Variants in ZNF385D observed in about 807,000 individuals in gnomAD.
ZNF385D encodes zinc finger protein 385D, also known as zinc finger protein 659.
ZNF385D carries 15 observed loss-of-function variants against 35.8 expected under a neutral mutation model. That is an observed-to-expected ratio of 0.42 (90% confidence interval 0.28 to 0.64). The LOEUF (loss-of-function observed/expected upper bound fraction) is 0.64, where lower values mean the gene tolerates loss of function less well. Ranked by LOEUF, ZNF385D falls within the 30% of genes least tolerant of loss-of-function variation. ZNF385D has a pLI of 0.23. For missense variants in ZNF385D, 474 were observed against 494.6 expected, an observed-to-expected ratio of 0.96 and a Z score of 0.39; for synonymous variants, 212 against 186.8, an observed-to-expected ratio of 1.13 and a Z score of -1.10.
chr3:21,784,826 C>G (rs1271858067), intron 3 of ZNF385D, among the ~76,000 whole-genome samples: 4 of 152,090 alleles, frequency 2.6e-5, no homozygotes, highest in Non-Finnish European at 5.9e-5. Flanking sequence ...CTGCCTTAGG[C>G]TCCAACATGG....
chr3:21,783,953 G>A (rs1037344053), intron 3 of ZNF385D, among the ~76,000 whole-genome samples: 1 of 152,134 alleles, frequency 6.6e-6, no homozygotes, highest in African/African-American at 2.4e-5. Flanking sequence ...CTTCCAGAAA[G>A]AAAGTTGTGG....
intron 2 of ZNF385D, among the ~76,000 whole-genome samples, chr3:22,274,969 A>G (rs943640155): frequency 6.6e-5 from 10 of 152,192 alleles, no homozygotes; most frequent in African/African-American, 2.4e-4. Flanking sequence ...AGAAAACAAG[A>G]AGAGTTGTAT....
chr3:21,419,193 TCTTCCTTCCTTCCTTCCATTCTTC>T lies in ZNF385D; in HGVS notation c.*1997_*2020del, dbSNP rs1700635258. 1 of 153,468 alleles carries T rather than the reference TCTTCCTTCCTTCCTTCCATTCTTC, an allele frequency of 6.5e-6. No homozygotes were observed. Among genetic ancestry groups the T allele is most frequent in the Admixed American group, 6.6e-5 (1 of 15,152 alleles). The allele number at this position is 153,468 out of a possible 1,614,324, so 9.5% of individuals were successfully genotyped here. A position where few individuals can be genotyped will look rare whatever the true frequency, so the allele number is the denominator to read the frequency against. On this transcript the variant is annotated 3_prime_UTR_variant, in exon 8 of 8. Coordinates refer to ENST00000281523, the MANE Select transcript of ZNF385D (RefSeq NM_024697.3). ...CCTTTCCTTCCTTCCTTCCCTCCTT[TCTTCCTTCCTTCCTTCCATTCTTC>T]CTTCCTTCCTTCCTTCTTTCCTTCT...
intron 2 of ZNF385D, among the ~76,000 whole-genome samples, chr3:21,582,642 T>TA (rs1234153186): frequency 6.6e-6 from 1 of 152,220 alleles, no homozygotes; most frequent in African/African-American, 2.4e-5. Flanking sequence ...CTGATATTTC[T>TA]AAAAACCTTA....
chr3:22,147,919 C>T (rs1352696581), intron 3 of ZNF385D, among the ~76,000 whole-genome samples: 1 of 151,930 alleles, frequency 6.6e-6, no homozygotes, highest in African/African-American at 2.4e-5. Context: ...ATCATGGCTC[C>T]AATACAGAAA....
chr3:22,093,692 C>A (rs1414669963), intron 3 of ZNF385D, among the ~76,000 whole-genome samples: 1 of 152,030 alleles, frequency 6.6e-6, no homozygotes, highest in East Asian at 1.9e-4. Flanking sequence ...ATTTCTGCTA[C>A]TCATGTTACT....
At chr3:21,834,197 C>G (rs906228720) in intron 3 of ZNF385D, among the ~76,000 whole-genome samples, 7 of 152,152 alleles carry the variant, frequency 4.6e-5, no homozygotes, top group African/African-American at 1.7e-4. Context: ...TCATTCCCTT[C>G]TCCTTCTTTT....
At chr3:21,648,342 C>T (rs1287526968) in intron 2 of ZNF385D, among the ~76,000 whole-genome samples, 1 of 152,124 alleles carries the variant, frequency 6.6e-6, no homozygotes, top group Non-Finnish European at 1.5e-5. Flanking sequence ...TTGTGGGTTT[C>T]CTGAGGCCTC....
chr3:21,838,265 C>T (rs1259614046), intron 3 of ZNF385D, among the ~76,000 whole-genome samples: 5 of 152,026 alleles, frequency 3.3e-5, no homozygotes, highest in Admixed American at 2.0e-4. Context: ...GAGTAAAATG[C>T]TATTGAGAAG....
At chr3:21,786,619 TG>T (rs1210024213) in intron 3 of ZNF385D, among the ~76,000 whole-genome samples, 1 of 152,328 alleles carries the variant, frequency 6.6e-6, no homozygotes, top group African/African-American at 2.4e-5. Context: ...TATCTCCCAT[TG>T]TGCAAAAACT....
intron 2 of ZNF385D, among the ~76,000 whole-genome samples, chr3:22,180,385 A>C (rs1695156496): frequency 1.3e-5 from 2 of 152,254 alleles, no homozygotes; most frequent in Non-Finnish European, 1.5e-5. Flanking sequence ...ATTCCTTCTG[A>C]AACTATTCCA....
chr3:21,872,771 T>C (rs578229557), intron 3 of ZNF385D, among the ~76,000 whole-genome samples: 1 of 152,240 alleles, frequency 6.6e-6, no homozygotes, highest in South Asian at 2.1e-4. Context: ...CTTCAGCAAA[T>C]TTCCCAGCCG....
chr3:21,664,759 G>C, intron 2 of ZNF385D, 127 bp downstream of exon 2: 1 of 1,283,292 alleles, frequency 7.8e-7, no homozygotes, highest in Non-Finnish European at 1.1e-6. Flanking sequence ...ACTTCATTAT[G>C]GCTTCTAGAC....
chr3:22,336,535 G>C (rs1695167317), intron 2 of ZNF385D, among the ~76,000 whole-genome samples: 1 of 151,858 alleles, frequency 6.6e-6, no homozygotes, highest in Non-Finnish European at 1.5e-5. Context: ...AAGTTAAGCT[G>C]GTGACCTACA....
upstream of ZNF385D, among the ~76,000 whole-genome samples, chr3:21,752,697 G>A (rs530130747): frequency 6.6e-6 from 1 of 152,204 alleles, no homozygotes; most frequent in African/African-American, 2.4e-5. Context: ...TGTTCTTTTA[G>A]AAATACTCTT....
intron 3 of ZNF385D, among the ~76,000 whole-genome samples, chr3:21,799,973 A>T (rs1423312001): frequency 2.6e-5 from 4 of 152,170 alleles, no homozygotes; most frequent in Non-Finnish European, 4.4e-5. Flanking sequence ...GCATGTAGAT[A>T]CCCAGTTGTC....
chr3:22,176,278 G>A (rs1694828086), intron 2 of ZNF385D, among the ~76,000 whole-genome samples: 1 of 152,088 alleles, frequency 6.6e-6, no homozygotes, highest in Admixed American at 6.6e-5. Context: ...TAAACCAGGG[G>A]AAAGTCACAG....
chr3:21,519,891 A>G (rs3860578), intron 3 of ZNF385D, among the ~76,000 whole-genome samples: 95,431 of 152,014 alleles, frequency 0.63, 29,996 homozygotes, highest in East Asian at 0.7. Flanking sequence ...TGTTCACTCT[A>G]ATTATGTTCA....
intron 2 of ZNF385D, among the ~76,000 whole-genome samples, chr3:22,324,669 A>G (rs991432391): frequency 2.0e-5 from 3 of 152,214 alleles, no homozygotes; most frequent in African/African-American, 7.2e-5. Context: ...AGTATTTTAA[A>G]ATAAAATTTG....
Sources: gnomAD v4.1 joint callset for allele counts (sites outside exome capture counted in the v4.1 genomes callset) on GRCh38, gnomAD v4.1.1 for gene constraint, MANE v1.5 for transcripts, NCBI Gene and HGNC (gene_info 2026-07-23, HGNC 2026-07-21) for gene names.